PTK2B: variants seen among roughly 807,000 people sequenced by gnomAD.
PTK2B encodes protein-tyrosine kinase 2-beta.
In PTK2B, 71 loss-of-function variants were observed where a neutral mutation model predicts 142.9. The observed-to-expected ratio is 0.50, with a 90% CI of 0.41 to 0.61. The LOEUF is 0.61. Ranked by LOEUF, PTK2B falls within the 20% of genes least tolerant of loss-of-function variation. PTK2B has a pLI of 0.00. For missense variants in PTK2B, 1,105 were observed against 1,320.4 expected (o/e 0.84, Z 2.53); for synonymous variants, 519 against 503.4 (o/e 1.03, Z -0.42).
chr8:27,333,703 T>C (rs1353244061), intron 1 of PTK2B, among the ~76,000 whole-genome samples: 1 of 152,110 alleles, frequency 6.6e-6, no homozygotes, highest in African/African-American at 2.4e-5. Context: ...GGGCCTCCCC[T>C]CTGCTAGGAG....
In PTK2B at chr8:27,363,572, C is replaced by G. The variant is rs766682578; in HGVS notation, c.-37-33976C>G. ...TGGTCTGGGATGCAGGGAATGGACT[C>G]TGACTGCTCTTGCTGCTCTGAGCCT... is the stretch of plus-strand genomic sequence containing the variant. On this transcript the variant is annotated intron_variant, in intron 1 of 30. Transcript: ENST00000346049. The surrounding 1 kb of genome is among the most constrained non-coding windows in gnomAD (Gnocchi z 4.3). Among the ~76,000 whole-genome samples the G allele has an allele frequency of 1.3e-5, 2 of 152,102 alleles. No individual in the cohort carries two copies. Among genetic ancestry groups the G allele is most frequent in the Non-Finnish European group, 2.9e-5 (2 of 68,008 alleles).
intron 1 of PTK2B, among the ~76,000 whole-genome samples, chr8:27,389,741 G>T (rs1259431662): frequency 6.6e-6 from 1 of 152,224 alleles, no homozygotes; most frequent in Non-Finnish European, 1.5e-5. Context: ...AGGTAATGGG[G>T]AGAAAGCCTT....
At chr8:27,408,877 TG>T (rs1808885926) in intron 2 of PTK2B, among the ~76,000 whole-genome samples, 1 of 152,192 alleles carries the variant, frequency 6.6e-6, no homozygotes, top group Admixed American at 6.5e-5. Flanking sequence ...AGAAAGGTAT[TG>T]TATCACAGTT....
At chr8:27,336,342 C>T (rs974162864) in intron 1 of PTK2B, among the ~76,000 whole-genome samples, 1 of 152,108 alleles carries the variant, frequency 6.6e-6, no homozygotes, top group African/African-American at 2.4e-5. Context: ...TAAAAATGAC[C>T]TCAAACTTGA....
At position 27,341,906 on chromosome 8, in the gene PTK2B, G is replaced by A. The variant is rs1012894125; in HGVS notation, c.-38+16225G>A. ...GCCCAGGCTGGTCTTGAACCCCTGG[G>A]GTCAAGTGATCCTCCTGTCTTATCC... On this transcript the variant is annotated intron_variant, in intron 1 of 30. Transcript: ENST00000346049. 2.0e-5 allele frequency among the ~76,000 whole-genome samples: 3 copies of A among 151,916 alleles called. No individual in the cohort carries two copies. The East Asian group carries it at 5.8e-4, about 29-fold the overall frequency.
intron 4 of PTK2B, 112 bp from the exon 5 acceptor site, chr8:27,422,192 G>A: frequency 1.0e-6 from 1 of 980,492 alleles, no homozygotes; most frequent in Non-Finnish European, 1.5e-6. Flanking sequence ...GTGGTGGGGT[G>A]GGTGGCTGTC....
At chr8:27,403,700 G>A (rs1228726857) in intron 2 of PTK2B, among the ~76,000 whole-genome samples, 3 of 152,076 alleles carry the variant, frequency 2.0e-5, no homozygotes, top group African/African-American at 7.3e-5. Context: ...GAAAACAACT[G>A]GCAGAGTGGC....
chr8:27,443,160 G>A (rs1811263757), intron 22 of PTK2B, among the ~76,000 whole-genome samples, 177 bp downstream of exon 22: 4 of 152,228 alleles, frequency 2.6e-5, no homozygotes, highest in Admixed American at 2.6e-4. Context: ...AGGTGGACTT[G>A]GAGATAGCAG....
At chr8:27,392,723 G>A (rs910548224) in intron 1 of PTK2B, among the ~76,000 whole-genome samples, 4 of 152,162 alleles carry the variant, frequency 2.6e-5, no homozygotes, top group African/African-American at 4.8e-5. Flanking sequence ...TCATGGAACC[G>A]TTCATTTACT....
intron 2 of PTK2B, among the ~76,000 whole-genome samples, chr8:27,413,676 G>A (rs1005971984): frequency 5.9e-5 from 9 of 152,242 alleles, no homozygotes; most frequent in East Asian, 1.9e-4. Context: ...CATGATGATC[G>A]GTTGTTTGTG....
chr8:27,454,550 G>A lies in PTK2B; in HGVS notation c.2753G>A (p.Arg918Gln), dbSNP rs759098337. 4.3e-6 allele frequency: 7 copies of A among 1,614,160 alleles called. No homozygotes were observed. The highest frequency in any genetic ancestry group is 1.1e-5 in the South Asian group (1 of 91,080). ...VVVKNVGLTL[R>Q]KLIGSVDDLL... ...CCCCAGAATGTGGGGCTGACCCTGC[G>A]GAAGCTCATCGGGAGCGTGGATGAT... is the stretch of plus-strand genomic sequence containing the variant. Residue 918 changes from arginine (R) to glutamine (Q), a missense_variant, in exon 30 of 31, where the codon CGG becomes CAG. Transcript: ENST00000346049.
intron 2 of PTK2B, among the ~76,000 whole-genome samples, chr8:27,398,039 C>T (rs889324495): frequency 1.3e-5 from 2 of 152,224 alleles, no homozygotes; most frequent in Non-Finnish European, 2.9e-5. Context: ...TTTGTTTGGC[C>T]TCTGATTCAA....
chr8:27,378,154 C>A (rs911548666), intron 1 of PTK2B, among the ~76,000 whole-genome samples: 1 of 152,210 alleles, frequency 6.6e-6, no homozygotes, highest in East Asian at 1.9e-4. Context: ...CTCTCCCTCA[C>A]CTTTTCTTCC....
At chr8:27,351,469 G>A (rs1322289626) in intron 1 of PTK2B, among the ~76,000 whole-genome samples, 1 of 151,938 alleles carries the variant, frequency 6.6e-6, no homozygotes, top group African/African-American at 2.4e-5. Flanking sequence ...CTTACCTAAG[G>A]TTCCACAGCC....
intron 1 of PTK2B, among the ~76,000 whole-genome samples, chr8:27,359,092 T>G (rs1012465667): frequency 6.6e-6 from 1 of 152,156 alleles, no homozygotes; most frequent in African/African-American, 2.4e-5. Context: ...CATACCTTCT[T>G]TTTTTTCTAT....
At chr8:27,408,579 C>A (rs1475746415) in intron 2 of PTK2B, among the ~76,000 whole-genome samples, 2 of 152,218 alleles carry the variant, frequency 1.3e-5, no homozygotes, top group African/African-American at 4.8e-5. Context: ...TGCCTTTTCT[C>A]CTTTAATCAA....
chr8:27,441,542 A>G (rs1317215399), intron 21 of PTK2B, among the ~76,000 whole-genome samples: 3 of 152,098 alleles, frequency 2.0e-5, no homozygotes, highest in African/African-American at 7.2e-5. Flanking sequence ...CCTGGTGGGG[A>G]GGCACCCCAG....
chr8:27,400,013 T>C (rs1465236913), intron 2 of PTK2B, among the ~76,000 whole-genome samples: 1 of 152,206 alleles, frequency 6.6e-6, no homozygotes, highest in Non-Finnish European at 1.5e-5. Flanking sequence ...ATTACCCAGC[T>C]CAGGAATCTC....
rs752848085 is a variant in PTK2B, at chr8:27,436,211, C to T, written c.1244-40C>T. 54 of 1,599,224 alleles carry T rather than the reference C, an allele frequency of 3.4e-5. No homozygotes were observed. The South Asian group carries it at 4.5e-4, about 13-fold the overall frequency. On this transcript the variant is annotated intron_variant, in intron 14 of 30. Transcript: ENST00000346049. ...ACTCAGGTTCCCTAGGGGATACCAC[C>T]GATCTCTGTGATCTGCGACTGTTTT...
Sources: gnomAD v4.1 joint callset for allele counts (sites outside exome capture counted in the v4.1 genomes callset) on GRCh38, gnomAD v4.1.1 for gene constraint, Gnocchi (gnomAD v3.1) non-coding constraint, MANE v1.5 for transcripts, NCBI Gene and HGNC (gene_info 2026-07-23, HGNC 2026-07-21) for gene names.